Variants in OPCML observed in about 807,000 individuals in gnomAD.
OPCML encodes opioid binding protein/cell adhesion molecule like, also known as opioid-binding protein/cell adhesion molecule.
OPCML carries 13 observed loss-of-function variants against 37.8 expected under a neutral mutation model. That is an observed-to-expected ratio of 0.34 (90% CI 0.22 to 0.55). The LOEUF (loss-of-function observed/expected upper bound fraction) is 0.55. Among genes scored for constraint, OPCML ranks in the 20% least tolerant of loss-of-function variants. The pLI, the probability that OPCML is intolerant of heterozygous loss-of-function variation, is 0.91. For missense variants in OPCML, 341 were observed against 435.6 expected (o/e 0.78, Z 1.93); for synonymous variants, 176 against 168.8 (o/e 1.04, Z -0.33).
intron 1 of OPCML, among the ~76,000 whole-genome samples, chr11:133,231,264 C>T (rs1308403693): frequency 6.6e-6 from 1 of 152,152 alleles, no homozygotes; most frequent in East Asian, 1.9e-4. Flanking sequence ...AGTGACTCTC[C>T]TCTTCTACCG....
intron 1 of OPCML, among the ~76,000 whole-genome samples, chr11:133,126,502 G>A (rs547962): frequency 0.45 from 68,884 of 151,972 alleles, 17,148 homozygotes; most frequent in East Asian, 0.65. Flanking sequence ...CACAAACAGC[G>A]CACAGAAAAG....
At chr11:132,551,602 A>G (rs2096381817) in intron 3 of OPCML, among the ~76,000 whole-genome samples, 1 of 152,114 alleles carries the variant, frequency 6.6e-6, no homozygotes, top group South Asian at 2.1e-4. Context: ...CATTTGATGG[A>G]TCAGCTGGCA....
intron 2 of OPCML, chr11:132,773,460 G>T (rs1946711990): frequency 1.3e-5 from 2 of 152,142 alleles, no homozygotes; most frequent in South Asian, 4.2e-4. Flanking sequence ...GGTGAGCAAC[G>T]TGGGCTGCAA....
chr11:133,159,316 T>C (rs535220032), intron 1 of OPCML, among the ~76,000 whole-genome samples: 1 of 152,264 alleles, frequency 6.6e-6, no homozygotes, highest in Non-Finnish European at 1.5e-5. Context: ...GGGCACGATG[T>C]ATGCCTCAGT....
intron 2 of OPCML, among the ~76,000 whole-genome samples, chr11:132,697,977 T>C (rs1050063992): frequency 4.3e-4 from 1 of 2,332 alleles, no homozygotes; most frequent in Non-Finnish European, 9.8e-4. Context: ...TTTTATTTTC[T>C]ATTTATTTAT....
At chr11:133,396,444 A>G (rs1194733837) in intron 1 of OPCML, among the ~76,000 whole-genome samples, 1 of 151,870 alleles carries the variant, frequency 6.6e-6, no homozygotes, top group Non-Finnish European at 1.5e-5. Flanking sequence ...CCACATTCCT[A>G]TGAGCAAATC....
At chr11:132,664,963 G>T (rs1325198161) in intron 2 of OPCML, among the ~76,000 whole-genome samples, 2 of 152,264 alleles carry the variant, frequency 1.3e-5, no homozygotes, top group South Asian at 2.1e-4. Context: ...AGTGCAACGG[G>T]TTGACTTTGA....
At chr11:132,660,734 T>C (rs1356139824) in intron 2 of OPCML, among the ~76,000 whole-genome samples, 1 of 152,184 alleles carries the variant, frequency 6.6e-6, no homozygotes, top group Non-Finnish European at 1.5e-5. Context: ...TCAGGTGCCA[T>C]TGCCTTTAGT....
intron 3 of OPCML, among the ~76,000 whole-genome samples, chr11:132,561,344 C>G: frequency 6.6e-6 from 1 of 152,166 alleles, no homozygotes; most frequent in East Asian, 1.9e-4. Context: ...TTCTTAAAAT[C>G]CTTTCCTGGG....
At chr11:133,128,217 T>C (rs1044612528) in intron 1 of OPCML, among the ~76,000 whole-genome samples, 6 of 152,072 alleles carry the variant, frequency 3.9e-5, no homozygotes, top group Non-Finnish European at 1.5e-5. Flanking sequence ...GAGTGCCAAA[T>C]GCATTGGCAG....
intron 2 of OPCML, among the ~76,000 whole-genome samples, chr11:132,826,475 C>T (rs1315726603): frequency 6.6e-6 from 1 of 152,054 alleles, no homozygotes; most frequent in Non-Finnish European, 1.5e-5. Flanking sequence ...AGAGAAGATG[C>T]AAAGGGGCAG....
chr11:132,730,115 G>A (rs182963445), intron 2 of OPCML, among the ~76,000 whole-genome samples: 72 of 145,228 alleles, frequency 5.0e-4, no homozygotes, highest in Admixed American at 1.3e-3. Flanking sequence ...CTGGGTTCAA[G>A]GAATTATCTG....
chr11:133,020,358 C>T (rs1947427481), intron 1 of OPCML, among the ~76,000 whole-genome samples: 1 of 152,230 alleles, frequency 6.6e-6, no homozygotes, highest in South Asian at 2.1e-4. Context: ...CACCCACAGA[C>T]ACGCTGCATG....
chr11:132,964,102 C>G (rs2136732431), intron 1 of OPCML, among the ~76,000 whole-genome samples: 1 of 152,216 alleles, frequency 6.6e-6, no homozygotes, highest in South Asian at 2.1e-4. Flanking sequence ...CCTAATGGTG[C>G]TGTTGAGAGG....
intron 4 of OPCML, among the ~76,000 whole-genome samples, chr11:132,442,701 C>T (rs1473094990): frequency 6.6e-6 from 1 of 152,170 alleles, no homozygotes; most frequent in African/African-American, 2.4e-5. Flanking sequence ...TTCCCCCATA[C>T]TGTAGTCTTG....
At position 133,007,594 on chromosome 11, in the gene OPCML, G is replaced by A. The variant is rs138128821; in HGVS notation, c.62-64584C>T. On this transcript the variant is annotated intron_variant, in intron 1 of 7. Transcript: ENST00000524381. ...AGGTAAAACTTAAAACTCTAGAATT[G>A]CTTGTAGAAGCTGGGATGCACATGC... 6,999 of 985,420 alleles carry A rather than the reference G, an allele frequency of 7.1e-3. 33 individuals are homozygous for A. Among genetic ancestry groups the A allele is most frequent in the South Asian group, 9.0e-3 (192 of 21,288 alleles). 61.0% of individuals were successfully genotyped at this position (985,420 alleles called of 1,614,324 possible). A position where few individuals can be genotyped will look rare whatever the true frequency, so the allele number is the denominator to read the frequency against.
chr11:132,634,733 AAGCCAAAAGAAGGT>A (rs1257980084), intron 3 of OPCML, among the ~76,000 whole-genome samples: 2 of 152,286 alleles, frequency 1.3e-5, no homozygotes, highest in Non-Finnish European at 2.9e-5. Context: ...CTGCCCTTGG[AAGCCAAAAGAAGGT>A]TGTAAGGCAT....
chr11:133,103,170 C>G (rs534071517), intron 1 of OPCML, among the ~76,000 whole-genome samples: 1 of 152,136 alleles, frequency 6.6e-6, no homozygotes, highest in Non-Finnish European at 1.5e-5. Flanking sequence ...TTTTAACTTA[C>G]GCATTTGCTT....
At chr11:133,460,958 A>G (rs1333409637) in intron 1 of OPCML, among the ~76,000 whole-genome samples, 1 of 151,946 alleles carries the variant, frequency 6.6e-6, no homozygotes, top group Admixed American at 6.6e-5. Flanking sequence ...AATAAATCAC[A>G]ATTCATGGAA....
Sources: allele counts gnomAD v4.1 joint callset (sites outside exome capture counted in the v4.1 genomes callset), GRCh38; gene constraint gnomAD v4.1.1; transcripts MANE v1.5; gene names NCBI Gene and HGNC (gene_info 2026-07-23, HGNC 2026-07-21).